NBAS: variants seen among roughly 807,000 people sequenced by gnomAD.
NBAS encodes the protein NBAS subunit of NRZ tethering complex.
In NBAS, 219 loss-of-function variants were observed where a neutral mutation model predicts 302.5. The ratio of observed to expected loss-of-function variants is 0.72; its 90% CI spans 0.65 to 0.81. The LOEUF (loss-of-function observed/expected upper bound fraction) is 0.81, where lower values mean the gene tolerates loss of function less well. Ranked by LOEUF, NBAS falls within the 30% of genes least tolerant of loss-of-function variation. The probability of loss-of-function intolerance (pLI) is 0.00; values close to 1 mark genes in which losing one functional copy is unlikely to be tolerated. For missense variants in NBAS, 2,932 were observed against 2,841.6 expected (o/e 1.03, Z -0.72); for synonymous variants, 1,118 against 1,021.6 (o/e 1.09, Z -1.80).
At position 15,353,462 on chromosome 2, in the gene NBAS, C is replaced by A. The variant is rs1285297561; in HGVS notation, c.4089+91G>T. 38 of 1,476,704 alleles carry A rather than the reference C, an allele frequency of 2.6e-5. 1 individual carries two copies. Among genetic ancestry groups the A allele is most frequent in the Admixed American group, 1.2e-4 (7 of 58,636 alleles). 91.5% of individuals were successfully genotyped at this position (1,476,704 alleles called of 1,614,324 possible). A position where few individuals can be genotyped will look rare whatever the true frequency, so the allele number is the denominator to read the frequency against. The stretch of plus-strand genomic sequence containing the variant: ...TCTTCCATAAATTAAAATTCTCATA[C>A]TACTTTTTTAAGTGACCACATACCT... On this transcript the variant is annotated intron_variant, in intron 34 of 51. Coordinates refer to ENST00000281513, the MANE Select transcript of NBAS (RefSeq NM_015909.4).
At chr2:14,952,240 G>A in the NBAS span, among the ~76,000 whole-genome samples, 10 of 152,284 alleles carry the variant, frequency 6.6e-5, no homozygotes, top group South Asian at 2.1e-4. Context: ...GCACTCTCAC[G>A]CCCAGGTGCT....
At chr2:15,416,199 A>C (rs1429390982) in intron 24 of NBAS, among the ~76,000 whole-genome samples, 1 of 152,210 alleles carries the variant, frequency 6.6e-6, no homozygotes, top group Non-Finnish European at 1.5e-5. Flanking sequence ...TACACAAATA[A>C]GCACAGGTTC....
At chr2:15,321,996 T>C (rs12615825) in intron 38 of NBAS, among the ~76,000 whole-genome samples, 31,134 of 152,110 alleles carry the variant, frequency 0.2, 4,053 homozygotes, top group East Asian at 0.55. Flanking sequence ...AACCCAAATG[T>C]CCATCAATGA....
At chr2:15,475,952 TAATC>T in intron 13 of NBAS, 72 bp from the exon 14 acceptor site, 2 of 1,207,232 alleles carry the variant, frequency 1.7e-6, no homozygotes, top group Non-Finnish European at 2.3e-6. Flanking sequence ...TTTAGTATAA[TAATC>T]AATTTTAAAA....
the NBAS span, among the ~76,000 whole-genome samples, chr2:15,064,715 T>A: frequency 6.6e-6 from 1 of 152,166 alleles, no homozygotes; most frequent in Non-Finnish European, 1.5e-5. Context: ...CCTAAACTCA[T>A]TTTATGAGGT....
chr2:14,811,295 A>G, the NBAS span, among the ~76,000 whole-genome samples: 1 of 152,142 alleles, frequency 6.6e-6, no homozygotes, highest in Non-Finnish European at 1.5e-5. Context: ...CTGTATTCCA[A>G]GCTACCGGGG....
intron 44 of NBAS, among the ~76,000 whole-genome samples, chr2:15,247,232 G>C (rs185522032): frequency 7.0e-4 from 107 of 152,224 alleles, no homozygotes; most frequent in African/African-American, 2.4e-3. Context: ...AGCTCCTGAA[G>C]GAAGCACTAA....
chr2:15,243,732 C>T lies in NBAS; in HGVS notation c.5725-5046G>A, dbSNP rs565825973. Among the ~76,000 whole-genome samples the T allele has an allele frequency of 3.9e-5, 6 of 152,220 alleles. No homozygotes were observed. The East Asian group carries it at 1.2e-3, about 29-fold the overall frequency. On this transcript the variant is annotated intron_variant, in intron 44 of 51. Coordinates refer to ENST00000281513, the MANE Select transcript of NBAS (RefSeq NM_015909.4). ...GAAATGTGTTGGGTGTTATATGATGCTGTGGGTATTACATGAAGTACTGTC... is the reference window on the plus strand; with the variant it reads ...GAAATGTGTTGGGTGTTATATGATGTTGTGGGTATTACATGAAGTACTGTC...
At chr2:14,846,565 AT>A in the NBAS span, among the ~76,000 whole-genome samples, 1 of 152,132 alleles carries the variant, frequency 6.6e-6, no homozygotes, top group Non-Finnish European at 1.5e-5. Context: ...TATGTAAACT[AT>A]TTTTAAATAG....
At chr2:15,049,572 C>T in the NBAS span, among the ~76,000 whole-genome samples, 1 of 152,210 alleles carries the variant, frequency 6.6e-6, no homozygotes, top group East Asian at 1.9e-4. Flanking sequence ...CCCAGGATGT[C>T]AGCAGACAGG....
chr2:14,844,581 G>A, the NBAS span, among the ~76,000 whole-genome samples: 204 of 152,260 alleles, frequency 1.3e-3, 2 homozygotes, highest in African/African-American at 4.7e-3. Flanking sequence ...CAGAGAGGTA[G>A]CACACCAAGT....
At chr2:14,993,452 C>T in the NBAS span, among the ~76,000 whole-genome samples, 1 of 152,176 alleles carries the variant, frequency 6.6e-6, no homozygotes, top group Non-Finnish European at 1.5e-5. Flanking sequence ...CTGAGATGAT[C>T]TCCAGCCATT....
chr2:15,452,171 T>C (rs13033762), intron 21 of NBAS, among the ~76,000 whole-genome samples: 76,936 of 152,106 alleles, frequency 0.51, 23,003 homozygotes, highest in Non-Finnish European at 0.67. Flanking sequence ...GATAGAGTTC[T>C]AGAGATTGGT....
chr2:15,359,745 T>A (rs756929963), intron 32 of NBAS, among the ~76,000 whole-genome samples: 18 of 152,214 alleles, frequency 1.2e-4, no homozygotes, highest in Admixed American at 9.8e-4. Flanking sequence ...TATTAAAATG[T>A]AAGCTTTTGA....
At chr2:15,441,088 T>C (rs920446325) in intron 21 of NBAS, among the ~76,000 whole-genome samples, 1 of 152,210 alleles carries the variant, frequency 6.6e-6, no homozygotes, top group African/African-American at 2.4e-5. Flanking sequence ...TTCTGCAGGA[T>C]ATTATCCAGG....
the NBAS span, among the ~76,000 whole-genome samples, chr2:15,024,079 T>C: frequency 3.3e-5 from 5 of 152,076 alleles, no homozygotes; most frequent in Non-Finnish European, 7.4e-5. Context: ...CGGATAGTCA[T>C]AGTACCCAAG....
chr2:15,176,584 T>C (rs934904446), intron 51 of NBAS, among the ~76,000 whole-genome samples: 1 of 152,228 alleles, frequency 6.6e-6, no homozygotes, highest in African/African-American at 2.4e-5. Flanking sequence ...GTATCCCTTA[T>C]CCAAAAAGCT....
intron 9 of NBAS, among the ~76,000 whole-genome samples, chr2:15,517,496 G>A (rs753142708): frequency 2.0e-5 from 3 of 152,048 alleles, no homozygotes; most frequent in South Asian, 4.2e-4. Context: ...AATTTTGTTT[G>A]TATTATTGTC....
At position 15,186,839 on chromosome 2, in the gene NBAS, A is replaced by G; in HGVS notation, c.6614T>C (p.Leu2205Pro). 7 of 1,614,008 alleles carry G rather than the reference A, an allele frequency of 4.3e-6. No homozygotes were observed. The highest frequency in any genetic ancestry group is 5.9e-6 in the Non-Finnish European group (7 of 1,179,958). ...NPWVRLATVMLTRCTMENKEG... is the reference protein window; with the variant it reads ...NPWVRLATVMPTRCTMENKEG... The stretch of plus-strand genomic sequence containing the variant: ...CTTGTTCTCCATCGTACATCTGGTT[A>G]GCATCACTGTAGCTAGTCTCACCCA... Residue 2205 changes from leucine (L) to proline (P), a missense_variant, in exon 50 of 52, where the codon CTA (leucine) becomes CCA (proline). Coordinates refer to ENST00000281513, the MANE Select transcript of NBAS (RefSeq NM_015909.4).
Sources: allele counts gnomAD v4.1 joint callset (sites outside exome capture counted in the v4.1 genomes callset), GRCh38; gene constraint gnomAD v4.1.1; transcripts MANE v1.5; gene names NCBI Gene and HGNC (gene_info 2026-07-23, HGNC 2026-07-21).